GPHN: variants seen among roughly 807,000 people sequenced by gnomAD.
GPHN encodes the protein gephyrin.
A neutral mutation model predicts 95.5 loss-of-function variants in GPHN; 17 were observed. The ratio of observed to expected loss-of-function variants is 0.18; its 90% CI spans 0.12 to 0.27. The LOEUF (loss-of-function observed/expected upper bound fraction) is 0.27, where lower values mean the gene tolerates loss of function less well. GPHN is among the 10% of genes least tolerant of loss of function. The pLI is 1.00. For missense variants in GPHN, 660 were observed against 978.1 expected (o/e 0.67, Z 4.34); for synonymous variants, 320 against 322.5 (o/e 0.99, Z 0.08).
At chr14:67,493,656 C>G in the GPHN span, among the ~76,000 whole-genome samples, 1 of 152,244 alleles carries the variant, frequency 6.6e-6, no homozygotes, top group South Asian at 2.1e-4. Context: ...GAGCATCAGG[C>G]CCCAGCCTGG....
chr14:67,356,502 A>T, the GPHN span, among the ~76,000 whole-genome samples: 1 of 152,134 alleles, frequency 6.6e-6, no homozygotes, highest in Non-Finnish European at 1.5e-5. Context: ...GGAATCTTTT[A>T]CCATAGGGCT....
the GPHN span, chr14:67,279,685 C>G: frequency 1.4e-6 from 1 of 701,976 alleles, no homozygotes; most frequent in Non-Finnish European, 2.2e-6. Context: ...GTGGAAACGC[C>G]GTATAACTAT....
rs144895971 is a variant in GPHN at position 66,518,094 on chromosome 14, C to CAAATAAATAAAT, written c.64+9522_64+9533dup. Among the ~76,000 whole-genome samples, 826 of 143,918 alleles carry CAAATAAATAAAT rather than the reference C, an allele frequency of 5.7e-3. 4 individuals carry two copies. The highest frequency in any genetic ancestry group is 9.2e-3 in the South Asian group (42 of 4,562). The allele number at this position is 143,918 out of a possible 152,430, so 94.4% of individuals were successfully genotyped here. Reference sequence around the variant, plus strand: ...CAAGAAACTCAAACATCTTAACAGCCAAATAAATAAATAAATAAATAAATA... The same window carrying CAAATAAATAAAT: ...CAAGAAACTCAAACATCTTAACAGCCAAATAAATAAATAAATAAATAAATAAATAAATAAATA... On this transcript the variant is annotated intron_variant, in intron 1 of 22. Coordinates refer to ENST00000478722, the MANE Select transcript of GPHN (RefSeq NM_020806.5).
At chr14:67,404,355 A>G in the GPHN span, among the ~76,000 whole-genome samples, 1 of 152,080 alleles carries the variant, frequency 6.6e-6, no homozygotes, top group Non-Finnish European at 1.5e-5. Flanking sequence ...TCTAGCAGCC[A>G]CATGCAGCTG....
the GPHN span, chr14:67,690,419 G>C: frequency 1.2e-6 from 2 of 1,613,706 alleles, no homozygotes; most frequent in Non-Finnish European, 1.7e-6. Flanking sequence ...AGGAGGAAGT[G>C]ACCTGTTGAG....
chr14:67,105,919 C>T (rs2078010387), intron 13 of GPHN, among the ~76,000 whole-genome samples: 1 of 152,038 alleles, frequency 6.6e-6, no homozygotes, highest in South Asian at 2.1e-4. Context: ...TTTATCATTG[C>T]AGTTGGGTGG....
At chr14:67,314,549 C>G in the GPHN span, among the ~76,000 whole-genome samples, 1 of 152,180 alleles carries the variant, frequency 6.6e-6, no homozygotes, top group African/African-American at 2.4e-5. Context: ...GGACATTTCT[C>G]TAGAATCTTG....
chr14:66,924,882 GT>G (rs1476816268), intron 8 of GPHN, among the ~76,000 whole-genome samples: 2 of 151,546 alleles, frequency 1.3e-5, no homozygotes, highest in African/African-American at 4.8e-5. Flanking sequence ...AAAATGCCAG[GT>G]TGTAAAAGAT....
At chr14:67,116,969 C>G (rs144775678) in intron 16 of GPHN, among the ~76,000 whole-genome samples, 1 of 152,270 alleles carries the variant, frequency 6.6e-6, no homozygotes, top group East Asian at 1.9e-4. Flanking sequence ...TGACTTTTCT[C>G]CCTCTTTTTG....
intron 1 of GPHN, among the ~76,000 whole-genome samples, chr14:66,665,245 G>C (rs918237313): frequency 1.1e-4 from 16 of 152,156 alleles, no homozygotes; most frequent in African/African-American, 3.9e-4. Flanking sequence ...CAAAATTCTA[G>C]CAAACTGAAT....
intron 9 of GPHN, among the ~76,000 whole-genome samples, chr14:67,010,976 C>G (rs1011911102): frequency 6.6e-6 from 1 of 152,080 alleles, no homozygotes; most frequent in African/African-American, 2.4e-5. Context: ...TAGATGATAT[C>G]AAATTCTAAA....
At chr14:66,726,015 T>C (rs552532985) in intron 2 of GPHN, among the ~76,000 whole-genome samples, 1 of 152,334 alleles carries the variant, frequency 6.6e-6, no homozygotes, top group Admixed American at 6.5e-5. Context: ...TTCTTCTGGG[T>C]TCTGAGATCC....
At chr14:67,327,551 A>C in the GPHN span, among the ~76,000 whole-genome samples, 18 of 151,778 alleles carry the variant, frequency 1.2e-4, no homozygotes, top group East Asian at 3.5e-3. Context: ...CAGGTTTGTT[A>C]CGTATGTATA....
chr14:66,833,664 TAA>T (rs11394709), intron 4 of GPHN, among the ~76,000 whole-genome samples: 15 of 142,598 alleles, frequency 1.1e-4, no homozygotes, highest in Admixed American at 1.4e-4. Flanking sequence ...ATGCCCTGGT[TAA>T]AAAAAAAAAA....
At chr14:67,403,173 T>C in the GPHN span, among the ~76,000 whole-genome samples, 1 of 152,244 alleles carries the variant, frequency 6.6e-6, no homozygotes, top group Non-Finnish European at 1.5e-5. Flanking sequence ...TGATAATCAA[T>C]GGTGTTGAGC....
chr14:67,478,801 C>A, the GPHN span, among the ~76,000 whole-genome samples: 2 of 152,184 alleles, frequency 1.3e-5, no homozygotes, highest in East Asian at 3.8e-4. Flanking sequence ...CTTCCCACTT[C>A]TGCACCCTCC....
At chr14:66,817,857 G>C (rs915462052) in intron 3 of GPHN, among the ~76,000 whole-genome samples, 4 of 152,082 alleles carry the variant, frequency 2.6e-5, no homozygotes, top group Non-Finnish European at 5.9e-5. Context: ...CTTCAGAACA[G>C]CCATACCATG....
At chr14:67,046,075 G>T (rs921950690) in intron 10 of GPHN, among the ~76,000 whole-genome samples, 2 of 150,966 alleles carry the variant, frequency 1.3e-5, no homozygotes, top group African/African-American at 2.4e-5. Context: ...ATTCTATCTC[G>T]ATTTTTTTTT....
chr14:67,225,926 AGTGTGTGTGT>A, the GPHN span, among the ~76,000 whole-genome samples: 37 of 136,720 alleles, frequency 2.7e-4, no homozygotes, highest in African/African-American at 6.0e-4. Context: ...TAATGCTGTG[AGTGTGTGTGT>A]GTGTGTGTGT....
Sources: gnomAD v4.1 joint callset for allele counts (sites outside exome capture counted in the v4.1 genomes callset) on GRCh38, gnomAD v4.1.1 for gene constraint, MANE v1.5 for transcripts, NCBI Gene and HGNC (gene_info 2026-07-23, HGNC 2026-07-21) for gene names.